RAPGEF4: variants seen among roughly 807,000 people sequenced by gnomAD.
The protein encoded by RAPGEF4 is RAP guanine-nucleotide-exchange factor (GEF) 4.
A neutral mutation model predicts 147.9 loss-of-function variants in RAPGEF4; 66 were observed. That is an observed-to-expected ratio of 0.45 (90% CI 0.37 to 0.55). RAPGEF4 has a LOEUF of 0.55. RAPGEF4 is among the 20% of genes least tolerant of loss of function. The pLI, the probability that RAPGEF4 is intolerant of heterozygous loss-of-function variation, is 0.00. For missense variants in RAPGEF4, 1,071 were observed against 1,257.3 expected (o/e 0.85, Z 2.24); for synonymous variants, 419 against 442.7 (o/e 0.95, Z 0.67).
At position 173,036,038 on chromosome 2, in the gene RAPGEF4, T is replaced by C. The variant is rs532479220; in HGVS notation, c.2701-87T>C. ...TTCAAAGGTCAACTGTACCTGATTG[T>C]GGGGTGAAAGGCAGGTGTATTAGGA... is the stretch of plus-strand genomic sequence containing the variant. On this transcript the variant is annotated intron_variant, in intron 27 of 30. Transcript: ENST00000397081. 9.3e-6 allele frequency: 9 copies of C among 966,088 alleles called. No homozygotes were observed. In the East Asian group the frequency reaches 1.9e-4, roughly 21 times the overall value. 59.8% of individuals were successfully genotyped at this position (966,088 alleles called of 1,614,324 possible). A position where few individuals can be genotyped will look rare whatever the true frequency, so the allele number is the denominator to read the frequency against.
At chr2:172,740,232 A>G (rs1366325766) in intron 1 of RAPGEF4, among the ~76,000 whole-genome samples, 1 of 152,216 alleles carries the variant, frequency 6.6e-6, no homozygotes, top group East Asian at 1.9e-4. Context: ...ACCACTGGAG[A>G]TGAAAGAAAT....
rs35414922 is a variant in RAPGEF4, at chr2:172,821,737, TAAAAAAAAAAAA to T, written c.444+7325_444+7336del. On this transcript the variant is annotated intron_variant, in intron 4 of 30. Coordinates refer to ENST00000397081, the MANE Select transcript of RAPGEF4 (RefSeq NM_007023.4). Reference sequence around the variant, plus strand: ...GAAGTTATTAGGAGCTAACTAAAGTTAAAAAAAAAAAAAAAAAAAAAAAAGGAAGTGTTTTCT... The same window carrying T: ...GAAGTTATTAGGAGCTAACTAAAGTTAAAAAAAAAAAAGGAAGTGTTTTCT... 5.7e-4 allele frequency: 467 copies of T among 820,094 alleles called. 1 individual carries two copies. Among genetic ancestry groups the T allele is most frequent in the Admixed American group, 1.1e-3 (10 of 9,424 alleles). 50.8% of individuals were successfully genotyped at this position (820,094 alleles called of 1,614,324 possible).
At chr2:172,911,199 T>C (rs1700059917) in intron 4 of RAPGEF4, among the ~76,000 whole-genome samples, 2 of 152,176 alleles carry the variant, frequency 1.3e-5, no homozygotes, top group Non-Finnish European at 1.5e-5. Context: ...GTTTCTTAGG[T>C]ACAGTTCCCT....
At chr2:172,865,723 C>T (rs3769287) in intron 4 of RAPGEF4, among the ~76,000 whole-genome samples, 1 of 152,236 alleles carries the variant, frequency 6.6e-6, no homozygotes, top group East Asian at 1.9e-4. Context: ...CCACTCCCCC[C>T]ACCACCCATT....
rs183102061 is a variant in RAPGEF4, at chr2:173,046,556, C to A, written c.2854-2044C>A. 2.6e-4 allele frequency among the ~76,000 whole-genome samples: 40 copies of A among 152,316 alleles called. No individual in the cohort carries two copies. In the East Asian group the frequency reaches 6.7e-3, roughly 26 times the overall value. On this transcript the variant is annotated intron_variant, in intron 29 of 30. Transcript: ENST00000397081. ...TTACAATAATTCTACATGGAATATACTTGTGCCCTTCAGATGCAAAGCCTT... is the reference window on the plus strand; with the variant it reads ...TTACAATAATTCTACATGGAATATAATTGTGCCCTTCAGATGCAAAGCCTT...
At chr2:172,799,623 T>C (rs1311905519) in intron 3 of RAPGEF4, among the ~76,000 whole-genome samples, 1 of 152,170 alleles carries the variant, frequency 6.6e-6, no homozygotes, top group Non-Finnish European at 1.5e-5. Context: ...CTACACAGGA[T>C]CATTCTGCTC....
rs10710442 is a variant in RAPGEF4 at position 173,042,622 on chromosome 2, C to CAA, written c.2853+5940_2853+5941dup. Among the ~76,000 whole-genome samples, 7 of 141,734 alleles carry CAA rather than the reference C, an allele frequency of 4.9e-5. No homozygotes were observed. The highest frequency in any genetic ancestry group is 4.1e-4 in the East Asian group (2 of 4,934). The allele number at this position is 141,734 out of a possible 152,430, so 93.0% of individuals were successfully genotyped here. The stretch of plus-strand genomic sequence containing the variant: ...TGGGCAATAGAGTAAGACTCCAAAT[C>CAA]AAAAAAAAAAAGGGAAAGAAAATTG... On this transcript the variant is annotated intron_variant, in intron 29 of 30. Transcript: ENST00000397081. The surrounding 1 kb of genome is among the most constrained non-coding windows in gnomAD (Gnocchi z 4.2).
At chr2:172,901,732 G>A (rs1699072884) in intron 4 of RAPGEF4, among the ~76,000 whole-genome samples, 1 of 152,176 alleles carries the variant, frequency 6.6e-6, no homozygotes, top group African/African-American at 2.4e-5. Flanking sequence ...CCTCAGAGTG[G>A]TTGAGAAATT....
intron 15 of RAPGEF4, among the ~76,000 whole-genome samples, chr2:172,993,194 A>G (rs1575465311): frequency 6.6e-6 from 1 of 152,334 alleles, no homozygotes; most frequent in Admixed American, 6.5e-5. Flanking sequence ...TCTGAGTGTG[A>G]TATTAAAAAT....
At chr2:173,038,661 T>C (rs1168097930) in intron 29 of RAPGEF4, among the ~76,000 whole-genome samples, 1 of 152,116 alleles carries the variant, frequency 6.6e-6, no homozygotes, top group Non-Finnish European at 1.5e-5. Flanking sequence ...CCTAGACGGG[T>C]TGATAGGTGC....
chr2:172,747,090 T>A (rs1227494050), intron 1 of RAPGEF4, among the ~76,000 whole-genome samples: 1 of 152,192 alleles, frequency 6.6e-6, no homozygotes, highest in Non-Finnish European at 1.5e-5. Context: ...TTCTTGGTAT[T>A]ATGTGAAATT....
At chr2:173,000,811 C>T (rs1693840233) in intron 16 of RAPGEF4, among the ~76,000 whole-genome samples, 1 of 148,112 alleles carries the variant, frequency 6.8e-6, no homozygotes, top group African/African-American at 2.5e-5. Context: ...TTACCACGTC[C>T]TGATTCTGTA....
chr2:172,925,782 AG>A (rs1685245124), intron 6 of RAPGEF4, among the ~76,000 whole-genome samples: 2 of 68,244 alleles, frequency 2.9e-5, no homozygotes, highest in Non-Finnish European at 7.5e-5. Context: ...AAAGAAAGAG[AG>A]AGAGAGAGAG....
chr2:172,943,514 G>A lies in RAPGEF4; in HGVS notation c.538-17246G>A, dbSNP rs117649633. Among the ~76,000 whole-genome samples, 9 of 152,298 alleles carry A rather than the reference G, an allele frequency of 5.9e-5. No homozygotes were observed. In the East Asian group the frequency reaches 1.4e-3, roughly 23 times the overall value. On this transcript the variant is annotated intron_variant, in intron 6 of 30. Transcript: ENST00000397081. Reference sequence around the variant, plus strand: ...ACTGATGTGACTCACTTGGCACACAGCATTTGATAAATGTTTGTTCTTACC... The same window carrying A: ...ACTGATGTGACTCACTTGGCACACAACATTTGATAAATGTTTGTTCTTACC...
chr2:173,011,170 G>GCA (rs1553548086), intron 17 of RAPGEF4, among the ~76,000 whole-genome samples: 54 of 133,558 alleles, frequency 4.0e-4, no homozygotes, highest in East Asian at 1.5e-3. Context: ...GCGCGCGCGC[G>GCA]CACACACACA....
chr2:172,984,338 G>A (rs1692004835), intron 11 of RAPGEF4, among the ~76,000 whole-genome samples: 1 of 152,162 alleles, frequency 6.6e-6, no homozygotes, highest in African/African-American at 2.4e-5. Context: ...CTCACTAAAA[G>A]TGGTGTTCTG....
chr2:173,051,894 C>A lies in RAPGEF4; in HGVS notation c.*127C>A. On this transcript the variant is annotated 3_prime_UTR_variant, in exon 31 of 31. Coordinates refer to ENST00000397081, the MANE Select transcript of RAPGEF4 (RefSeq NM_007023.4). Reference sequence around the variant, plus strand: ...AAACAAGCAAAAACACATCCTGAGACACCTCAGGGCTGCATTCAGCTTACC... The same window carrying A: ...AAACAAGCAAAAACACATCCTGAGAAACCTCAGGGCTGCATTCAGCTTACC... 9.2e-7 allele frequency: 1 copy of A among 1,082,920 alleles called. No homozygotes were observed. The highest frequency in any genetic ancestry group is 1.3e-6 in the Non-Finnish European group (1 of 752,274). The allele number at this position is 1,082,920 out of a possible 1,614,324, so 67.1% of individuals were successfully genotyped here.
intron 4 of RAPGEF4, among the ~76,000 whole-genome samples, chr2:172,891,516 G>A (rs1056292082): frequency 2.0e-5 from 3 of 152,136 alleles, no homozygotes; most frequent in African/African-American, 7.2e-5. Context: ...TTCTGGGCTG[G>A]TATTGAGCTA....
intron 6 of RAPGEF4, among the ~76,000 whole-genome samples, chr2:172,956,501 A>G (rs7580906): frequency 0.92 from 135,480 of 147,428 alleles, 62,474 homozygotes; most frequent in East Asian, 0.99. Context: ...ATGGAATCTC[A>G]CTCTGTCGCC....
Sources: gnomAD v4.1 joint callset for allele counts (sites outside exome capture counted in the v4.1 genomes callset) on GRCh38, gnomAD v4.1.1 for gene constraint, Gnocchi (gnomAD v3.1) non-coding constraint, MANE v1.5 for transcripts, NCBI Gene and HGNC (gene_info 2026-07-23, HGNC 2026-07-21) for gene names.